SH2D4A: variants seen among roughly 807,000 people sequenced by gnomAD.
SH2D4A encodes SH2 domain containing 4A.
In SH2D4A, 70 loss-of-function variants were observed where a neutral mutation model predicts 64.7. The observed-to-expected ratio is 1.08, with a 90% CI of 0.89 to 1.32. SH2D4A has a LOEUF of 1.32. SH2D4A is among the 40% of genes most tolerant of loss of function. The pLI is 0.00. For synonymous variants in SH2D4A, 268 were observed against 200.7 expected, an observed-to-expected ratio of 1.34 and a Z score of -2.83; for missense variants, 706 against 540.1, an observed-to-expected ratio of 1.31 and a Z score of -3.04.
chr8:19,375,822 T>C (rs897192550), intron 8 of SH2D4A, among the ~76,000 whole-genome samples: 1 of 152,230 alleles, frequency 6.6e-6, no homozygotes, highest in South Asian at 2.1e-4. Context: ...CCACATTGGG[T>C]TCATATATCA....
rs117765638 is a variant in SH2D4A, at chr8:19,327,381, G to A, written c.182-5574G>A. 1.1e-4 allele frequency among the ~76,000 whole-genome samples: 17 copies of A among 152,306 alleles called. No individual in the cohort carries two copies. In the East Asian group the frequency reaches 3.1e-3, roughly 28 times the overall value. On this transcript the variant is annotated intron_variant, in intron 2 of 9. Coordinates refer to ENST00000265807, the MANE Select transcript of SH2D4A (RefSeq NM_022071.4). ...ACAGAAAATGCAGAATGCCTGGGCG[G>A]TATTCAACTAGGAAAAGACACGTGC...
At position 19,319,664 on chromosome 8, in the gene SH2D4A, G is replaced by C; in HGVS notation, c.117G>C (p.Trp39Cys). ...FKMREEQIRRWKEREAAMERK... is the reference protein window; with the variant it reads ...FKMREEQIRRCKEREAAMERK... ...TGAGAGAGGAACAGATCCGACGATG[G>C]AAAGAAAGAGAAGCAGCTATGGAAA... The change falls in exon 2 of 10, where the codon TGG (tryptophan) becomes TGC (cysteine). Residue 39 changes from tryptophan to cysteine, a missense_variant. Trp to Cys is a radical substitution (Grantham distance 215, BLOSUM62 -2). Transcript: ENST00000265807. 3.1e-6 allele frequency: 5 copies of C among 1,610,806 alleles called. No homozygotes were observed. The highest frequency in any genetic ancestry group is 4.2e-6 in the Non-Finnish European group (5 of 1,178,872).
intron 2 of SH2D4A, among the ~76,000 whole-genome samples, chr8:19,329,747 A>C (rs2052341373): frequency 6.6e-6 from 1 of 152,134 alleles, no homozygotes; most frequent in Non-Finnish European, 1.5e-5. Flanking sequence ...AGGGGTTTCC[A>C]CTTTTGCATC....
chr8:19,358,214 G>C (rs774716780), intron 5 of SH2D4A, among the ~76,000 whole-genome samples: 1 of 152,146 alleles, frequency 6.6e-6, no homozygotes, highest in Non-Finnish European at 1.5e-5. Context: ...ACAAAGGATC[G>C]TATATTCATC....
chr8:19,388,856 T>C (rs75160640), intron 8 of SH2D4A, among the ~76,000 whole-genome samples: 7,139 of 152,198 alleles, frequency 0.047, 199 homozygotes, highest in Middle Eastern at 0.085. Context: ...TAAAAATAAA[T>C]AAGATGGAGT....
intron 4 of SH2D4A, among the ~76,000 whole-genome samples, chr8:19,335,704 G>T (rs1455774073): frequency 1.3e-5 from 2 of 152,146 alleles, no homozygotes; most frequent in African/African-American, 4.8e-5. Flanking sequence ...AAACATCAGT[G>T]CCTGTTGGGC....
intron 8 of SH2D4A, among the ~76,000 whole-genome samples, chr8:19,380,213 T>C (rs2053269036): frequency 6.6e-6 from 1 of 152,232 alleles, no homozygotes; most frequent in Non-Finnish European, 1.5e-5. Flanking sequence ...TTGCCCAGTT[T>C]TGGATTGGGT....
rs142153907 is a variant in SH2D4A, at chr8:19,347,849, T to G, written c.514-9354T>G. Among the ~76,000 whole-genome samples the G allele has an allele frequency of 2.9e-3, 435 of 152,082 alleles. 2 individuals carry two copies. Among genetic ancestry groups the G allele is most frequent in the Admixed American group, 4.1e-3 (62 of 15,272 alleles). ...TGACATATTCTTTAACCAGGTGGAGTTACAGATGAGGCCTCTTACCTCTCC... is the reference window on the plus strand; with the variant it reads ...TGACATATTCTTTAACCAGGTGGAGGTACAGATGAGGCCTCTTACCTCTCC... On this transcript the variant is annotated intron_variant, in intron 4 of 9. Transcript: ENST00000265807.
Position 19,339,120 on chromosome 8 carries a change from A to G in SH2D4A, c.513+4263A>G, listed in dbSNP as rs754407060. On this transcript the variant is annotated intron_variant, in intron 4 of 9. Coordinates refer to ENST00000265807, the MANE Select transcript of SH2D4A (RefSeq NM_022071.4). Reference sequence around the variant, plus strand: ...CATAAATCCAAGAGTCCAAAAGCTGAAGAACTTGGAGTTCGATGTTCGAGG... The same window carrying G: ...CATAAATCCAAGAGTCCAAAAGCTGGAGAACTTGGAGTTCGATGTTCGAGG... 4.4e-4 allele frequency among the ~76,000 whole-genome samples: 67 copies of G among 152,254 alleles called. 2 individuals carry two copies. The highest frequency in any genetic ancestry group is 8.4e-4 in the Non-Finnish European group (57 of 68,046).
intron 2 of SH2D4A, among the ~76,000 whole-genome samples, chr8:19,327,366 C>T (rs1306875451): frequency 6.6e-6 from 1 of 152,174 alleles, no homozygotes; most frequent in Non-Finnish European, 1.5e-5. Flanking sequence ...ACAGAAAATG[C>T]AGAATGCCTG....
At chr8:19,343,753 G>A (rs1328890394) in intron 4 of SH2D4A, among the ~76,000 whole-genome samples, 10 of 152,124 alleles carry the variant, frequency 6.6e-5, no homozygotes, top group South Asian at 2.1e-4. Context: ...GCATTACAGC[G>A]CCACGAGGAA....
chr8:19,344,744 C>T (rs1226549769), intron 4 of SH2D4A, among the ~76,000 whole-genome samples: 1 of 149,740 alleles, frequency 6.7e-6, no homozygotes, highest in East Asian at 2.0e-4. Context: ...TTATCCAATA[C>T]ATCTGGGCCC....
At chr8:19,389,377 G>A (rs1036536374) in intron 8 of SH2D4A, among the ~76,000 whole-genome samples, 19 of 152,160 alleles carry the variant, frequency 1.2e-4, no homozygotes, top group African/African-American at 4.6e-4. Flanking sequence ...AAACACATGT[G>A]GCTTTTCCCA....
chr8:19,361,458 C>G, intron 6 of SH2D4A, 144 bp downstream of exon 6: 2 of 790,598 alleles, frequency 2.5e-6, no homozygotes, highest in Non-Finnish European at 3.6e-6. Context: ...TTATTACTAA[C>G]TTATTACTCA....
intron 4 of SH2D4A, among the ~76,000 whole-genome samples, chr8:19,353,218 T>G (rs2052734989): frequency 6.6e-6 from 1 of 152,142 alleles, no homozygotes; most frequent in Non-Finnish European, 1.5e-5. Context: ...CATAGCAGCA[T>G]ATGGAAGCTT....
At chr8:19,391,999 G>A (rs901022648) in intron 8 of SH2D4A, among the ~76,000 whole-genome samples, 1 of 152,066 alleles carries the variant, frequency 6.6e-6, no homozygotes, top group African/African-American at 2.4e-5. Flanking sequence ...TCAGCTCACT[G>A]AATAATTCAT....
Position 19,357,716 on chromosome 8 carries a change from C to A in SH2D4A, c.594+433C>A, listed in dbSNP as rs537397807. ...TCCACATCCACCATGCCTGGAACCCCTTCTGGCACTCAGCCCTCTCTCACG... is the reference window on the plus strand; with the variant it reads ...TCCACATCCACCATGCCTGGAACCCATTCTGGCACTCAGCCCTCTCTCACG... On this transcript the variant is annotated intron_variant, in intron 5 of 9. Coordinates refer to ENST00000265807, the MANE Select transcript of SH2D4A (RefSeq NM_022071.4). Among the ~76,000 whole-genome samples, 9 of 152,294 alleles carry A rather than the reference C, an allele frequency of 5.9e-5. No homozygotes were observed. In the South Asian group the frequency reaches 1.9e-3, roughly 32 times the overall value.
intron 7 of SH2D4A, among the ~76,000 whole-genome samples, chr8:19,371,558 G>T (rs765968113): frequency 6.6e-6 from 1 of 152,090 alleles, no homozygotes; most frequent in Non-Finnish European, 1.5e-5. Flanking sequence ...TCCTATGTAG[G>T]TTGAATCTGA....
intron 5 of SH2D4A, chr8:19,360,950 T>C (rs2052874021): frequency 3.9e-6 from 1 of 256,530 alleles, no homozygotes; most frequent in Admixed American, 5.2e-5. Context: ...TTCTCATCTT[T>C]CTTATGGGGA....
Sources: gnomAD v4.1 joint callset for allele counts (sites outside exome capture counted in the v4.1 genomes callset) on GRCh38, gnomAD v4.1.1 for gene constraint, MANE v1.5 for transcripts, NCBI Gene and HGNC (gene_info 2026-07-23, HGNC 2026-07-21) for gene names.